PCNX2: variants seen among roughly 807,000 people sequenced by gnomAD.
PCNX2 encodes the protein pecanex-like protein 2.
In PCNX2, 168 loss-of-function variants were observed where a neutral mutation model predicts 223.8. The ratio of observed to expected loss-of-function variants is 0.75; its 90% CI spans 0.66 to 0.85. PCNX2 has a LOEUF of 0.85. Among genes scored for constraint, PCNX2 ranks in the 40% least tolerant of loss-of-function variants. The probability of loss-of-function intolerance (pLI) is 0.00; values close to 1 mark genes in which losing one functional copy is unlikely to be tolerated. For missense variants in PCNX2, 2,507 were observed against 2,675.5 expected (o/e 0.94, Z 1.39); for synonymous variants, 1,006 against 1,052.6 (o/e 0.96, Z 0.86).
intron 1 of PCNX2, among the ~76,000 whole-genome samples, chr1:233,283,037 A>C (rs1661269175): frequency 6.6e-6 from 1 of 151,994 alleles, no homozygotes; most frequent in Non-Finnish European, 1.5e-5. Flanking sequence ...AAAAAATAAT[A>C]ATAATAACTT....
chr1:233,052,184 T>A lies in PCNX2; in HGVS notation c.4351+2084A>T, dbSNP rs563771468. On this transcript the variant is annotated intron_variant, in intron 25 of 33. Transcript: ENST00000258229. ...AGAACCTACCACTCTAGAAAAAAAA[T>A]ATTTCGTAAACATTTATTTAGGAAT... Among the ~76,000 whole-genome samples, 8 of 152,172 alleles carry A rather than the reference T, an allele frequency of 5.3e-5. No individual in the cohort carries two copies. The East Asian group carries it at 5.8e-4, about 11-fold the overall frequency.
At chr1:233,208,349 G>A (rs1331787715) in intron 13 of PCNX2, among the ~76,000 whole-genome samples, 169 bp downstream of exon 13, 2 of 152,330 alleles carry the variant, frequency 1.3e-5, no homozygotes, top group Admixed American at 1.3e-4. Flanking sequence ...ATAGTTGGAT[G>A]CTTTGAGGCT....
At chr1:233,079,548 A>G (rs1473766661) in intron 23 of PCNX2, among the ~76,000 whole-genome samples, 2 of 150,840 alleles carry the variant, frequency 1.3e-5, no homozygotes, top group Admixed American at 6.6e-5. Context: ...AAAAAAAAGT[A>G]AAAGGTAAGG....
rs1316214735 is a variant in PCNX2, at chr1:233,258,912, G to A, written c.950C>T (p.Thr317Ile). 1.2e-6 allele frequency: 2 copies of A among 1,613,802 alleles called. No individual in the cohort carries two copies. Among genetic ancestry groups the A allele is most frequent in the African/African-American group, 2.7e-5 (2 of 74,924 alleles). Residue 317 changes from threonine to isoleucine, a missense_variant, in exon 5 of 34, where the codon ACC (threonine) becomes ATC (isoleucine). By Grantham distance (89) the Thr-to-Ile change is moderately conservative. Coordinates refer to ENST00000258229, the MANE Select transcript of PCNX2 (RefSeq NM_014801.4). ...SLSSSCPQCDTIVAKPVEEPA... is the reference protein window; with the variant it reads ...SLSSSCPQCDIIVAKPVEEPA... The stretch of plus-strand genomic sequence containing the variant: ...CTCCTCCACAGGCTTGGCCACGATG[G>A]TGTCACATTGAGGGCAGCTGCTGCT...
intron 25 of PCNX2, among the ~76,000 whole-genome samples, chr1:233,039,484 T>C (rs750333296): frequency 6.6e-6 from 1 of 152,188 alleles, no homozygotes; most frequent in Non-Finnish European, 1.5e-5. Flanking sequence ...GAAACTAATA[T>C]GGTACCTGGC....
intron 1 of PCNX2, among the ~76,000 whole-genome samples, chr1:233,286,109 C>T (rs1226329296): frequency 1.3e-5 from 2 of 152,160 alleles, no homozygotes; most frequent in Non-Finnish European, 2.9e-5. Context: ...ATCCTAAATT[C>T]CTTACTCAAA....
the PCNX2 span, among the ~76,000 whole-genome samples, chr1:233,312,184 T>C: frequency 6.6e-6 from 1 of 151,758 alleles, no homozygotes; most frequent in Non-Finnish European, 1.5e-5. Context: ...TAGGAAACAA[T>C]AAAATAGATA....
intron 25 of PCNX2, chr1:233,047,200 G>A (rs1182966917): frequency 1.3e-5 from 3 of 225,402 alleles, no homozygotes; most frequent in African/African-American, 2.3e-5. Flanking sequence ...CCATGCAACA[G>A]TGGGAAATAA....
intron 1 of PCNX2, among the ~76,000 whole-genome samples, chr1:233,264,773 C>T (rs769765423): frequency 5.9e-5 from 9 of 152,080 alleles, no homozygotes; most frequent in African/African-American, 1.9e-4. Flanking sequence ...TATTTACATC[C>T]TAAATACTAC....
chr1:233,103,792 A>C (rs77024508), intron 21 of PCNX2, among the ~76,000 whole-genome samples: 20,081 of 152,180 alleles, frequency 0.13, 1,437 homozygotes, highest in East Asian at 0.21. Context: ...CTTTGGGGGC[A>C]TACAGCCAGC....
intron 19 of PCNX2, among the ~76,000 whole-genome samples, chr1:233,156,631 A>T (rs533705490): frequency 2.0e-5 from 3 of 152,202 alleles, no homozygotes; most frequent in South Asian, 4.1e-4. Flanking sequence ...TTTTAAACAG[A>T]CGTGGGCTGG....
Position 233,013,750 on chromosome 1 carries a change from A to G in PCNX2, c.4952+915T>C, listed in dbSNP as rs146879407. Among the ~76,000 whole-genome samples the G allele has an allele frequency of 1.5e-3, 234 of 152,296 alleles. 1 individual carries two copies. The highest frequency in any genetic ancestry group is 5.4e-3 in the African/African-American group (224 of 41,552). On this transcript the variant is annotated intron_variant, in intron 28 of 33. Coordinates refer to ENST00000258229, the MANE Select transcript of PCNX2 (RefSeq NM_014801.4). ...TAAGCTCCCTAGGTTTGTGTTCTCAACCTTGGCTGCCCACTGACATCACCT... is the reference window on the plus strand; with the variant it reads ...TAAGCTCCCTAGGTTTGTGTTCTCAGCCTTGGCTGCCCACTGACATCACCT...
intron 25 of PCNX2, among the ~76,000 whole-genome samples, chr1:233,053,079 C>G (rs1482823905): frequency 6.6e-6 from 1 of 152,028 alleles, no homozygotes; most frequent in Non-Finnish European, 1.5e-5. Context: ...CCAGACCAAT[C>G]TCTTAAAGTG....
At chr1:233,031,640 GA>G in intron 25 of PCNX2, 1 of 565,778 alleles carries the variant, frequency 1.8e-6, no homozygotes, top group Non-Finnish European at 2.2e-6. Context: ...AACAGTCTAT[GA>G]AATAGGAGTC....
At position 233,232,865 on chromosome 1, in the gene PCNX2, T is replaced by C. The variant is rs1658152603; in HGVS notation, c.2358+3980A>G. On this transcript the variant is annotated intron_variant, in intron 9 of 33. Transcript: ENST00000258229. The stretch of plus-strand genomic sequence containing the variant: ...CAATGCTTGACCGTCATGCTATCCA[T>C]AATGATAATAATAATAATAATGCCA... 9 of 985,218 alleles carry C rather than the reference T, an allele frequency of 9.1e-6. No individual in the cohort carries two copies. In the South Asian group the frequency reaches 3.8e-4, roughly 41 times the overall value. The allele number at this position is 985,218 out of a possible 1,614,324, so 61.0% of individuals were successfully genotyped here. A position where few individuals can be genotyped will look rare whatever the true frequency, so the allele number is the denominator to read the frequency against.
chr1:233,160,909 C>T (rs1352249127), intron 18 of PCNX2, among the ~76,000 whole-genome samples: 1 of 152,160 alleles, frequency 6.6e-6, no homozygotes, highest in Non-Finnish European at 1.5e-5. Context: ...CTCTGCCTCA[C>T]CCCGATACGG....
chr1:233,016,973 A>C lies in PCNX2; in HGVS notation c.4787T>G (p.Phe1596Cys). The change falls in exon 27 of 34, where the codon TTC becomes TGC. Residue 1596 changes from phenylalanine to cysteine, a missense_variant. This residue lies in a region of PCNX2 where 1,372 missense variants were observed against 1,509.4 expected (regional missense o/e 0.91). Coordinates refer to ENST00000258229, the MANE Select transcript of PCNX2 (RefSeq NM_014801.4). ...AATCCATTCTAGATAAACATTGCAG[A>C]AGCTAGCTCGTGTGATCCCCTGGAG... ...PCLQGITRASFCNVYLEWIQH... is the reference protein window; with the variant it reads ...PCLQGITRASCCNVYLEWIQH... The C allele has an allele frequency of 6.2e-7, 1 of 1,613,692 alleles. No individual in the cohort carries two copies. Among genetic ancestry groups the C allele is most frequent in the East Asian group, 2.2e-5 (1 of 44,864 alleles).
intron 23 of PCNX2, among the ~76,000 whole-genome samples, chr1:233,084,384 C>T (rs1017247683): frequency 2.6e-5 from 4 of 152,186 alleles, no homozygotes; most frequent in African/African-American, 9.7e-5. Flanking sequence ...AAGCCTAGCA[C>T]AGTACACTCG....
intron 23 of PCNX2, among the ~76,000 whole-genome samples, chr1:233,086,534 G>A (rs1673612317): frequency 6.6e-6 from 1 of 151,930 alleles, no homozygotes; most frequent in African/African-American, 2.4e-5. Flanking sequence ...AGTCAGGCGT[G>A]GTGGCGGGCA....
Sources: allele counts gnomAD v4.1 joint callset (sites outside exome capture counted in the v4.1 genomes callset), GRCh38; gene constraint gnomAD v4.1.1; regional missense constraint gnomAD v4.1.1; transcripts MANE v1.5; gene names NCBI Gene and HGNC (gene_info 2026-07-23, HGNC 2026-07-21).